The following SH3RF3 variants were observed in gnomAD, a reference collection of about 807,000 sequenced individuals.
SH3RF3 encodes E3 ubiquitin-protein ligase SH3RF3.
A neutral mutation model predicts 66.3 loss-of-function variants in SH3RF3; 29 were observed. That is an observed-to-expected ratio of 0.44 (90% CI 0.33 to 0.60). SH3RF3 has a LOEUF of 0.60. Among genes scored for constraint, SH3RF3 ranks in the 20% least tolerant of loss-of-function variants. SH3RF3 has a pLI of 0.04. For missense variants in SH3RF3, 1,194 were observed against 1,190.9 expected (o/e 1.00, Z -0.04); for synonymous variants, 583 against 532.0 (o/e 1.10, Z -1.32).
At chr2:109,497,639 G>A (rs1679288884) in intron 9 of SH3RF3, among the ~76,000 whole-genome samples, 2 of 152,148 alleles carry the variant, frequency 1.3e-5, no homozygotes, top group Admixed American at 1.3e-4. Flanking sequence ...TGTCTATAAC[G>A]GGGAGTATCA....
At chr2:109,327,967 A>G (rs1168697914) in intron 1 of SH3RF3, among the ~76,000 whole-genome samples, 1 of 152,218 alleles carries the variant, frequency 6.6e-6, no homozygotes, top group Non-Finnish European at 1.5e-5. Flanking sequence ...GTGTCAGGCG[A>G]TATCCAGCAT....
chr2:109,460,476 C>A (rs1028352807), intron 8 of SH3RF3, among the ~76,000 whole-genome samples: 3 of 152,104 alleles, frequency 2.0e-5, no homozygotes, highest in Non-Finnish European at 4.4e-5. Context: ...GATGCTGAGC[C>A]CATGCATCAC....
chr2:109,381,590 C>T (rs371918098), intron 3 of SH3RF3, among the ~76,000 whole-genome samples: 1 of 152,178 alleles, frequency 6.6e-6, no homozygotes, highest in East Asian at 1.9e-4. Flanking sequence ...TTCCCTTTCA[C>T]TTCTACCTTT....
chr2:109,452,291 C>T (rs1463674376), intron 8 of SH3RF3, among the ~76,000 whole-genome samples: 8 of 152,188 alleles, frequency 5.3e-5, no homozygotes, highest in African/African-American at 1.9e-4. Context: ...AGCCCCACCC[C>T]TCCATGACTA....
chr2:109,473,765 T>C (rs1678592858), intron 8 of SH3RF3, among the ~76,000 whole-genome samples: 1 of 43,202 alleles, frequency 2.3e-5, no homozygotes, highest in South Asian at 8.1e-4. Context: ...CCTCCTCCCC[T>C]GTAACACTGA....
chr2:109,336,983 C>T (rs1275587036), intron 1 of SH3RF3, among the ~76,000 whole-genome samples: 1 of 152,162 alleles, frequency 6.6e-6, no homozygotes, highest in Non-Finnish European at 1.5e-5. Flanking sequence ...GTAAAGCAGA[C>T]AAATGCAATA....
chr2:109,474,973 GTTT>G (rs1678644086), intron 8 of SH3RF3, among the ~76,000 whole-genome samples: 1 of 145,588 alleles, frequency 6.9e-6, no homozygotes, highest in Non-Finnish European at 1.6e-5. Context: ...GGTTTTTTTT[GTTT>G]GTTTGTTTGT....
chr2:109,463,944 C>T (rs958636473), intron 8 of SH3RF3, among the ~76,000 whole-genome samples: 4 of 152,108 alleles, frequency 2.6e-5, no homozygotes, highest in African/African-American at 7.2e-5. Context: ...AAGAGGCACC[C>T]GTACAAAGTG....
At chr2:109,274,345 G>C (rs1680698309) in intron 1 of SH3RF3, among the ~76,000 whole-genome samples, 1 of 152,184 alleles carries the variant, frequency 6.6e-6, no homozygotes, top group South Asian at 2.1e-4. Flanking sequence ...GTTCATAGCA[G>C]CCCTATTTAC....
chr2:109,446,374 T>C (rs992315758), intron 7 of SH3RF3, among the ~76,000 whole-genome samples: 1 of 152,130 alleles, frequency 6.6e-6, no homozygotes, highest in Non-Finnish European at 1.5e-5. Context: ...AGCAGCCATG[T>C]CCCCACCTCA....
At chr2:109,334,998 G>A (rs1044071582) in intron 1 of SH3RF3, among the ~76,000 whole-genome samples, 5 of 152,374 alleles carry the variant, frequency 3.3e-5, no homozygotes, top group Middle Eastern at 3.4e-3. Context: ...CTCTGAGAAC[G>A]CGATTTATGT....
intron 5 of SH3RF3, among the ~76,000 whole-genome samples, chr2:109,424,435 T>G (rs965497973): frequency 6.6e-6 from 1 of 152,186 alleles, no homozygotes; most frequent in Non-Finnish European, 1.5e-5. Flanking sequence ...CAGGCAAACC[T>G]CATTTCATCG....
Position 109,490,806 on chromosome 2 carries a change from G to T in SH3RF3, c.2350G>T (p.Gly784Cys). ...CTGCCCCATAGAGAGCGAGATGCAGGGTGCCATGGGGATGGAGCCTCTGCA... is the reference window on the plus strand; with the variant it reads ...CTGCCCCATAGAGAGCGAGATGCAGTGTGCCATGGGGATGGAGCCTCTGCA... ...GSCPIESEMQ[G>C]AMGMEPLHRK... is the part of the protein sequence containing the mutation. The change falls in exon 9 of 10, where the codon GGT becomes TGT. Residue 784 changes from glycine (G) to cysteine (C), a missense_variant. Physicochemically the swap from Gly to Cys is radical, Grantham distance 159. Transcript: ENST00000309415. The T allele has an allele frequency of 6.5e-7, 1 of 1,536,988 alleles. No individual in the cohort carries two copies. Among genetic ancestry groups the T allele is most frequent in the Non-Finnish European group, 8.7e-7 (1 of 1,146,810 alleles).
At chr2:109,166,196 A>C (rs1464474894) in intron 1 of SH3RF3, among the ~76,000 whole-genome samples, 3 of 152,124 alleles carry the variant, frequency 2.0e-5, no homozygotes, top group Admixed American at 2.0e-4. Flanking sequence ...GGAAAGATGC[A>C]GGCCAGGCAC....
At chr2:109,139,198 G>A in intron 1 of SH3RF3, among the ~76,000 whole-genome samples, 1 of 152,188 alleles carries the variant, frequency 6.6e-6, no homozygotes, top group East Asian at 1.9e-4. Flanking sequence ...CCCAAGCACA[G>A]CCAAAGGTAA....
At chr2:109,283,351 G>A (rs1301367440) in intron 1 of SH3RF3, among the ~76,000 whole-genome samples, 1 of 152,174 alleles carries the variant, frequency 6.6e-6, no homozygotes, top group East Asian at 1.9e-4. Flanking sequence ...CCACCCCATT[G>A]CCAGCCTCTG....
chr2:109,435,112 C>T (rs574745227), intron 6 of SH3RF3, among the ~76,000 whole-genome samples: 17 of 152,296 alleles, frequency 1.1e-4, no homozygotes, highest in Admixed American at 8.5e-4. Flanking sequence ...AATCTAGCCC[C>T]GGTAACTGCA....
chr2:109,231,721 G>A (rs1327930349), intron 1 of SH3RF3, among the ~76,000 whole-genome samples: 4 of 152,070 alleles, frequency 2.6e-5, no homozygotes, highest in Admixed American at 6.5e-5. Context: ...AAATCTTACC[G>A]TGCATGCTAA....
intron 1 of SH3RF3, among the ~76,000 whole-genome samples, chr2:109,132,250 T>C (rs1292773103): frequency 6.6e-6 from 1 of 152,210 alleles, no homozygotes; most frequent in East Asian, 1.9e-4. Flanking sequence ...AATTAGGGTA[T>C]GTATACTTTT....
Sources: allele counts gnomAD v4.1 joint callset (sites outside exome capture counted in the v4.1 genomes callset), GRCh38; gene constraint gnomAD v4.1.1; transcripts MANE v1.5; gene names NCBI Gene and HGNC (gene_info 2026-07-23, HGNC 2026-07-21).